Variants in ANKS1B observed in about 807,000 individuals in gnomAD.
ANKS1B encodes the protein ankyrin repeat and sterile alpha motif domain containing 1B.
In ANKS1B, 36 loss-of-function variants were observed where a neutral mutation model predicts 148.3. The observed-to-expected ratio is 0.24, with a 90% CI of 0.19 to 0.32. ANKS1B has a LOEUF of 0.32. Ranked by LOEUF, ANKS1B falls within the 10% of genes least tolerant of loss-of-function variation. The probability of loss-of-function intolerance (pLI) is 1.00; values close to 1 mark genes in which losing one functional copy is unlikely to be tolerated. For missense variants in ANKS1B, 1,157 were observed against 1,542.6 expected (o/e 0.75, Z 4.19); for synonymous variants, 542 against 560.8 (o/e 0.97, Z 0.47).
intron 17 of ANKS1B, among the ~76,000 whole-genome samples, chr12:99,003,659 A>T (rs79165443): frequency 0.035 from 5,339 of 152,270 alleles, 256 homozygotes; most frequent in African/African-American, 0.11. Context: ...TGGCTCTATG[A>T]AGGCAGGACC....
chr12:98,819,256 T>A (rs1174199461), intron 19 of ANKS1B, among the ~76,000 whole-genome samples: 1 of 152,202 alleles, frequency 6.6e-6, no homozygotes, highest in Non-Finnish European at 1.5e-5. Context: ...TAGCTATTGA[T>A]AAAGGCTGGG....
chr12:99,189,432 C>G (rs895962617), intron 14 of ANKS1B, among the ~76,000 whole-genome samples: 1 of 152,102 alleles, frequency 6.6e-6, no homozygotes, highest in Non-Finnish European at 1.5e-5. Context: ...AACATCAATG[C>G]AAAAATCCTC....
In ANKS1B at chr12:99,515,232, C is replaced by T. The variant is rs11109886; in HGVS notation, c.1273-10591G>A. On this transcript the variant is annotated intron_variant, in intron 9 of 26. Coordinates refer to ENST00000683438, the MANE Select transcript of ANKS1B (RefSeq NM_001352186.2). ...ACAATTAAATTGTTATTGACTATAG[C>T]GCCCCTGTTGTGATATCAAATACTC... Among the ~76,000 whole-genome samples the T allele has an allele frequency of 6.3e-3, 953 of 152,046 alleles. 14 individuals are homozygous for T. The highest frequency in any genetic ancestry group is 0.022 in the African/African-American group (896 of 41,502).
chr12:99,145,691 T>TCAA (rs2072810688), intron 15 of ANKS1B, among the ~76,000 whole-genome samples: 1 of 152,086 alleles, frequency 6.6e-6, no homozygotes, highest in Admixed American at 6.6e-5. Flanking sequence ...AGGGCAGGGC[T>TCAA]AGTATCTTGT....
At chr12:99,702,709 ATT>A (rs1161148335) in intron 8 of ANKS1B, among the ~76,000 whole-genome samples, 17 of 109,696 alleles carry the variant, frequency 1.5e-4, no homozygotes, top group Non-Finnish European at 1.4e-4. Context: ...AACCCAGCTA[ATT>A]TTTTTTTTTT....
chr12:99,111,499 G>A (rs1025446481), intron 15 of ANKS1B, among the ~76,000 whole-genome samples: 1 of 151,908 alleles, frequency 6.6e-6, no homozygotes, highest in Non-Finnish European at 1.5e-5. Flanking sequence ...GCCTGAGAGA[G>A]AAGACTATTA....
At chr12:99,481,369 A>G (rs918820993) in intron 10 of ANKS1B, among the ~76,000 whole-genome samples, 2 of 151,816 alleles carry the variant, frequency 1.3e-5, no homozygotes, top group African/African-American at 4.8e-5. Context: ...TGTTCCTTTT[A>G]ATGGCTGAGT....
rs146241266 is a variant in ANKS1B, at chr12:99,516,670, C to G, written c.1273-12029G>C. ...CACCTAGGTGATGGGTGGATAGGTG[C>G]AGCAAACCACCATGGCACATATTTA... is the stretch of plus-strand genomic sequence containing the variant. On this transcript the variant is annotated intron_variant, in intron 9 of 26. Transcript: ENST00000683438. Among the ~76,000 whole-genome samples the G allele has an allele frequency of 2.8e-3, 423 of 152,030 alleles. 2 individuals are homozygous for G. The highest frequency in any genetic ancestry group is 9.9e-3 in the African/African-American group (409 of 41,462).
At chr12:98,937,059 A>G (rs1220096737) in intron 17 of ANKS1B, among the ~76,000 whole-genome samples, 1 of 152,182 alleles carries the variant, frequency 6.6e-6, no homozygotes, top group Non-Finnish European at 1.5e-5. Context: ...TTCTGTGAAG[A>G]GTAGATTAAC....
intron 12 of ANKS1B, among the ~76,000 whole-genome samples, chr12:99,317,063 T>C (rs951275278): frequency 3.9e-5 from 6 of 152,208 alleles, no homozygotes; most frequent in Non-Finnish European, 7.3e-5. Flanking sequence ...CTGTTTTGGT[T>C]ACTGTAGCCT....
intron 17 of ANKS1B, among the ~76,000 whole-genome samples, chr12:98,873,747 C>T (rs1285556286): frequency 2.6e-5 from 4 of 152,182 alleles, no homozygotes; most frequent in African/African-American, 9.6e-5. Flanking sequence ...GGATACCCCA[C>T]TGAAAAAAGA....
At chr12:99,508,072 A>G (rs1325800169) in intron 9 of ANKS1B, among the ~76,000 whole-genome samples, 2 of 151,862 alleles carry the variant, frequency 1.3e-5, no homozygotes, top group Non-Finnish European at 2.9e-5. Flanking sequence ...TTCAAACTTT[A>G]TATATATAGT....
chr12:99,517,696 G>T (rs1035807473), intron 9 of ANKS1B, among the ~76,000 whole-genome samples: 31 of 151,968 alleles, frequency 2.0e-4, no homozygotes, highest in African/African-American at 7.5e-4. Context: ...TTTCCAATTT[G>T]GATGCCCTTT....
chr12:99,056,929 C>A (rs1332624038), intron 16 of ANKS1B, among the ~76,000 whole-genome samples: 1 of 152,124 alleles, frequency 6.6e-6, no homozygotes, highest in African/African-American at 2.4e-5. Context: ...AAATTTAACT[C>A]CTTTAGTTCA....
rs200078039 is a variant in ANKS1B, at chr12:99,581,929, G to A, written c.1272+73138C>T. On this transcript the variant is annotated intron_variant, in intron 9 of 26. Transcript: ENST00000683438. ...AAAAAAAAAAAAGAAAAAAGAAAAT[G>A]AAAAGTCAAGCCATAAACTTGGATT... 4.7e-4 allele frequency among the ~76,000 whole-genome samples: 70 copies of A among 149,420 alleles called. 1 individual carries two copies. In the East Asian group the frequency reaches 0.013, roughly 27 times the overall value.
chr12:99,002,155 G>A (rs997583861), intron 17 of ANKS1B, among the ~76,000 whole-genome samples: 1 of 152,096 alleles, frequency 6.6e-6, no homozygotes, highest in Non-Finnish European at 1.5e-5. Context: ...CTTTCCTTTG[G>A]ATATAGACCC....
chr12:99,370,616 T>G (rs4503642), intron 12 of ANKS1B, among the ~76,000 whole-genome samples: 152,013 of 152,254 alleles, frequency 1, 75,886 homozygotes, highest in Middle Eastern at 1. Flanking sequence ...GGAAGGTAAT[T>G]GTTTGTTAAT....
At chr12:99,686,444 G>A (rs1005022068) in intron 8 of ANKS1B, among the ~76,000 whole-genome samples, 1 of 152,242 alleles carries the variant, frequency 6.6e-6, no homozygotes, top group Admixed American at 6.5e-5. Flanking sequence ...ACCAATAAAA[G>A]CTCACTGCTC....
chr12:98,950,295 G>C (rs1354074994), intron 17 of ANKS1B, among the ~76,000 whole-genome samples: 3 of 152,114 alleles, frequency 2.0e-5, no homozygotes, highest in Non-Finnish European at 4.4e-5. Flanking sequence ...TCAGGAGTTC[G>C]AGACCAGCCT....
Sources: gnomAD v4.1 joint callset for allele counts (sites outside exome capture counted in the v4.1 genomes callset) on GRCh38, gnomAD v4.1.1 for gene constraint, MANE v1.5 for transcripts, NCBI Gene and HGNC (gene_info 2026-07-23, HGNC 2026-07-21) for gene names.